The following DPF3 variants were observed in gnomAD, a reference collection of about 807,000 sequenced individuals.
DPF3 encodes zinc finger protein DPF3.
Under a neutral mutation model 56.8 loss-of-function variants are expected in DPF3, and 18 were observed. That is an observed-to-expected ratio of 0.32 (90% CI 0.22 to 0.47). The LOEUF (loss-of-function observed/expected upper bound fraction) is 0.47. Among genes scored for constraint, DPF3 ranks in the 20% least tolerant of loss-of-function variants. The pLI, the probability that DPF3 is intolerant of heterozygous loss-of-function variation, is 1.00. For synonymous variants in DPF3, 188 were observed against 180.2 expected (o/e 1.04, Z -0.35); for missense variants, 403 against 488.8 (o/e 0.82, Z 1.65).
At chr14:72,716,926 C>G (rs935853321) in intron 5 of DPF3, among the ~76,000 whole-genome samples, 1 of 152,086 alleles carries the variant, frequency 6.6e-6, no homozygotes, top group African/African-American at 2.4e-5. Context: ...ACATTGCCCC[C>G]CTAGTCCACC....
Position 72,824,607 on chromosome 14 carries a change from G to A in DPF3, c.33-52714C>T, listed in dbSNP as rs539839848. Among the ~76,000 whole-genome samples, 8 of 142,770 alleles carry A rather than the reference G, an allele frequency of 5.6e-5. No homozygotes were observed. The South Asian group carries it at 6.5e-4, about 12-fold the overall frequency. 93.7% of individuals were successfully genotyped at this position (142,770 alleles called of 152,430 possible). On this transcript the variant is annotated intron_variant, in intron 1 of 10. Coordinates refer to ENST00000556509, the MANE Select transcript of DPF3 (RefSeq NM_001280542.3). ...TTTTGAGACAGAGTCTCACTCTATC[G>A]CCCAGGCTGGAGTGTAATAGCGCCA...
chr14:72,700,321 C>T (rs879588936), intron 6 of DPF3, among the ~76,000 whole-genome samples: 29 of 152,272 alleles, frequency 1.9e-4, no homozygotes, highest in South Asian at 8.3e-4. Context: ...GGTTTAATGC[C>T]CTGCTGTTGG....
intron 6 of DPF3, among the ~76,000 whole-genome samples, chr14:72,702,442 G>C (rs1379668877): frequency 6.6e-6 from 1 of 152,150 alleles, no homozygotes. Context: ...CGCTCTCCCT[G>C]TCAGCACCTT....
At chr14:72,746,504 T>C in intron 3 of DPF3, among the ~76,000 whole-genome samples, 1 of 152,180 alleles carries the variant, frequency 6.6e-6, no homozygotes, top group Non-Finnish European at 1.5e-5. Flanking sequence ...GGCCTAGTAG[T>C]AGGTCTGTTT....
chr14:72,693,139 C>G lies in DPF3; in HGVS notation c.679G>C (p.Gly227Arg). 1 of 1,614,006 alleles carries G rather than the reference C, an allele frequency of 6.2e-7. No individual in the cohort carries two copies. The highest frequency in any genetic ancestry group is 8.5e-7 in the Non-Finnish European group (1 of 1,179,886). Reference sequence around the variant, plus strand: ...GTCTCCTGGTCTTGAGCTTCATCCCCCTCCTCGCTGGCCAGGTGAGTGTGA... The same window carrying G: ...GTCTCCTGGTCTTGAGCTTCATCCCGCTCCTCGCTGGCCAGGTGAGTGTGA... ...YAHTHLASEE[G>R]DEAQDQETRS... Residue 227 changes from glycine to arginine, a missense_variant, in exon 7 of 11, where the codon GGG becomes CGG. Transcript: ENST00000556509.
chr14:72,878,182 C>T (rs1298491725), intron 1 of DPF3, among the ~76,000 whole-genome samples: 2 of 152,180 alleles, frequency 1.3e-5, no homozygotes, highest in African/African-American at 4.8e-5. Flanking sequence ...CCTCTTCCTC[C>T]TTCAGGCCTC....
chr14:72,787,310 G>A (rs562319251), intron 1 of DPF3, among the ~76,000 whole-genome samples: 12 of 152,320 alleles, frequency 7.9e-5, no homozygotes, highest in African/African-American at 2.4e-4. Context: ...AGGCTGATGT[G>A]GGAATCAAGA....
intron 8 of DPF3, 111 bp from the exon 9 acceptor site, chr14:72,629,847 A>G (rs1599316149): frequency 2.2e-6 from 2 of 895,172 alleles, no homozygotes; most frequent in Non-Finnish European, 3.5e-6. Context: ...GCAGGGTAGC[A>G]TGACGTAGGG....
intron 3 of DPF3, among the ~76,000 whole-genome samples, chr14:72,746,533 G>T (rs1890331076): frequency 6.6e-6 from 1 of 152,266 alleles, no homozygotes; most frequent in Admixed American, 6.5e-5. Context: ...AGGGGAACAA[G>T]TTCCTCTGAG....
chr14:72,631,255 C>T (rs1885153285), intron 8 of DPF3, among the ~76,000 whole-genome samples: 1 of 152,194 alleles, frequency 6.6e-6, no homozygotes, highest in Non-Finnish European at 1.5e-5. Context: ...TACCATCCAA[C>T]TTAGAGACTT....
chr14:72,640,152 T>A (rs1474172305), intron 8 of DPF3, among the ~76,000 whole-genome samples: 1 of 138,630 alleles, frequency 7.2e-6, no homozygotes, highest in Non-Finnish European at 1.5e-5. Flanking sequence ...CAAAGCAGAG[T>A]AGCTCAAGGA....
At chr14:72,671,384 C>T (rs1886668552) in intron 8 of DPF3, 4 of 1,604,300 alleles carry the variant, frequency 2.5e-6, no homozygotes, top group Middle Eastern at 1.6e-4. Context: ...AAGCAACAGA[C>T]AGCATTATTA....
At chr14:72,626,315 G>A (rs1175614392) in intron 9 of DPF3, among the ~76,000 whole-genome samples, 1 of 151,962 alleles carries the variant, frequency 6.6e-6, no homozygotes, top group Non-Finnish European at 1.5e-5. Flanking sequence ...TCCCAGACCC[G>A]TGTAGGTAAC....
At chr14:72,798,938 C>T (rs565780780) in intron 1 of DPF3, among the ~76,000 whole-genome samples, 2 of 152,354 alleles carry the variant, frequency 1.3e-5, no homozygotes, top group East Asian at 1.9e-4. Flanking sequence ...TTGGAAGTCA[C>T]AGTTCTGGAG....
intron 1 of DPF3, among the ~76,000 whole-genome samples, chr14:72,855,163 C>A (rs1885128613): frequency 6.6e-6 from 1 of 152,168 alleles, no homozygotes; most frequent in African/African-American, 2.4e-5. Flanking sequence ...CACTGACTGG[C>A]CCGGTGACGA....
intron 1 of DPF3, among the ~76,000 whole-genome samples, chr14:72,845,043 T>C (rs1248760831): frequency 6.6e-6 from 1 of 152,184 alleles, no homozygotes; most frequent in Non-Finnish European, 1.5e-5. Flanking sequence ...AATTGGAGGC[T>C]GCAGTGAGCT....
intron 6 of DPF3, among the ~76,000 whole-genome samples, chr14:72,701,199 G>C (rs1888145562): frequency 6.6e-6 from 1 of 152,174 alleles, no homozygotes; most frequent in Admixed American, 6.5e-5. Flanking sequence ...ATGCACCTCT[G>C]AAGCCACCAC....
intron 6 of DPF3, 144 bp from the exon 7 acceptor site, chr14:72,693,357 T>C (rs1887781500): frequency 1.0e-6 from 1 of 965,016 alleles, no homozygotes; most frequent in Non-Finnish European, 1.5e-6. Flanking sequence ...CCAACATCCC[T>C]TTCCCCCACC....
At position 72,814,733 on chromosome 14, in the gene DPF3, C is replaced by T. The variant is rs114419367; in HGVS notation, c.33-42840G>A. Among the ~76,000 whole-genome samples, 589 of 151,732 alleles carry T rather than the reference C, an allele frequency of 3.9e-3. 9 individuals are homozygous for T. Among genetic ancestry groups the T allele is most frequent in the African/African-American group, 0.013 (550 of 41,316 alleles). On this transcript the variant is annotated intron_variant, in intron 1 of 10. Transcript: ENST00000556509. ...GGGAGGCTGAGGAGAACTGCTTAACCGGGAAGGCAGATGTTGCAGTGAGCC... is the reference window on the plus strand; with the variant it reads ...GGGAGGCTGAGGAGAACTGCTTAACTGGGAAGGCAGATGTTGCAGTGAGCC...
Sources: gnomAD v4.1 joint callset for allele counts (sites outside exome capture counted in the v4.1 genomes callset) on GRCh38, gnomAD v4.1.1 for gene constraint, MANE v1.5 for transcripts, NCBI Gene and HGNC (gene_info 2026-07-23, HGNC 2026-07-21) for gene names.